HHAT: variants seen among roughly 807,000 people sequenced by gnomAD.
HHAT encodes hedgehog acyltransferase.
HHAT carries 47 observed loss-of-function variants against 70.8 expected under a neutral mutation model. The ratio of observed to expected loss-of-function variants is 0.66; its 90% confidence interval spans 0.53 to 0.85. The LOEUF (loss-of-function observed/expected upper bound fraction) is 0.85. Ranked by LOEUF, HHAT falls within the 40% of genes least tolerant of loss-of-function variation. The probability of loss-of-function intolerance (pLI) is 0.00; values close to 1 mark genes in which losing one functional copy is unlikely to be tolerated. For synonymous variants in HHAT, 228 were observed against 247.6 expected, an observed-to-expected ratio of 0.92 and a Z score of 0.74; for missense variants, 609 against 604.8, an observed-to-expected ratio of 1.01 and a Z score of -0.07.
intron 7 of HHAT, among the ~76,000 whole-genome samples, chr1:210,452,916 A>G (rs2093783701): frequency 1.3e-5 from 2 of 152,256 alleles, no homozygotes; most frequent in African/African-American, 4.8e-5. Context: ...TGTGGAATGT[A>G]CATTAGAGTC....
At chr1:210,481,205 A>G (rs996541878) in intron 8 of HHAT, among the ~76,000 whole-genome samples, 2 of 152,284 alleles carry the variant, frequency 1.3e-5, no homozygotes, top group Admixed American at 1.3e-4. Flanking sequence ...ATTAATGACC[A>G]CTGGGCCATT....
intron 9 of HHAT, among the ~76,000 whole-genome samples, chr1:210,535,770 ACT>A (rs942336080): frequency 6.6e-6 from 1 of 152,014 alleles, no homozygotes; most frequent in African/African-American, 2.4e-5. Flanking sequence ...GGTGGGGAAG[ACT>A]CTGTGAATAG....
At chr1:210,475,061 A>G (rs138254403) in intron 8 of HHAT, among the ~76,000 whole-genome samples, 24 of 151,518 alleles carry the variant, frequency 1.6e-4, no homozygotes, top group African/African-American at 5.3e-4. Flanking sequence ...AGGTCTCGCT[A>G]TGCTGCCCAC....
intron 6 of HHAT, 65 bp downstream of exon 6, chr1:210,404,744 C>T: frequency 7.6e-7 from 1 of 1,311,716 alleles, no homozygotes; most frequent in East Asian, 2.3e-5. Flanking sequence ...TTGCTCTGGT[C>T]TTCTCTGACT....
intron 11 of HHAT, among the ~76,000 whole-genome samples, chr1:210,652,838 G>A (rs1344839301): frequency 6.6e-6 from 1 of 152,162 alleles, no homozygotes; most frequent in Non-Finnish European, 1.5e-5. Flanking sequence ...CACCAGGTTG[G>A]CATAGATCAA....
intron 3 of HHAT, chr1:210,374,109 C>T (rs531858946): frequency 7.4e-5 from 11 of 148,934 alleles, no homozygotes; most frequent in African/African-American, 9.7e-5. Flanking sequence ...CCTAAAGTTG[C>T]ACCATAATGT....
At chr1:210,417,315 C>T (rs1028591117) in intron 6 of HHAT, among the ~76,000 whole-genome samples, 5 of 152,182 alleles carry the variant, frequency 3.3e-5, no homozygotes, top group African/African-American at 1.2e-4. Context: ...TCACTGCAAC[C>T]TCCGCCTCCC....
chr1:210,610,522 A>G (rs906516990), intron 10 of HHAT, among the ~76,000 whole-genome samples: 3 of 151,794 alleles, frequency 2.0e-5, no homozygotes, highest in Non-Finnish European at 4.4e-5. Flanking sequence ...TAGTTTAATT[A>G]GATGCCATTT....
At chr1:210,540,667 A>G (rs1376071696) in intron 9 of HHAT, among the ~76,000 whole-genome samples, 5 of 150,980 alleles carry the variant, frequency 3.3e-5, no homozygotes, top group African/African-American at 9.7e-5. Flanking sequence ...AGGTCTTGCT[A>G]CATTGTCCAG....
rs2088502366 is a variant in HHAT at position 210,362,865 on chromosome 1, G to A, written c.105G>A (p.Glu35=). The A allele has an allele frequency of 1.2e-6, 2 of 1,613,804 alleles. No homozygotes were observed. Among genetic ancestry groups the A allele is most frequent in the Non-Finnish European group, 8.5e-7 (1 of 1,179,796 alleles). ...VYKVSREHEE[E]LDQEFELETD... is the part of the protein sequence containing the mutation. ...TTTTTTGGTCAGAACACGAAGAGGA[G>A]CTGGACCAGGAATTTGAGCTGGAGA... is the stretch of plus-strand genomic sequence containing the variant. The change falls in exon 3 of 12, where the codon GAG becomes GAA. Residue 35 remains glutamate (E), a synonymous_variant. Transcript: ENST00000261458.
intron 3 of HHAT, among the ~76,000 whole-genome samples, chr1:210,386,239 T>TCTTTTTC (rs1289172529): frequency 3.0e-5 from 3 of 100,810 alleles, no homozygotes; most frequent in East Asian, 2.6e-4. Context: ...TCTTTTTTTT[T>TCTTTTTC]TTTTTTTTTT....
At chr1:210,534,697 T>C (rs991945303) in intron 9 of HHAT, among the ~76,000 whole-genome samples, 9 of 152,230 alleles carry the variant, frequency 5.9e-5, no homozygotes, top group Non-Finnish European at 1.2e-4. Flanking sequence ...CAGTGTTGAC[T>C]GCATTTGGAC....
chr1:210,605,920 G>C (rs893327187), intron 10 of HHAT, among the ~76,000 whole-genome samples: 1 of 151,514 alleles, frequency 6.6e-6, no homozygotes. Flanking sequence ...GCAGTGGCTT[G>C]ATCTTGGCTC....
At chr1:210,336,686 A>G (rs1307265026) in intron 1 of HHAT, among the ~76,000 whole-genome samples, 3 of 152,134 alleles carry the variant, frequency 2.0e-5, no homozygotes, top group Non-Finnish European at 4.4e-5. Flanking sequence ...CCTGAAGCTA[A>G]GGCAGGAGGA....
intron 9 of HHAT, among the ~76,000 whole-genome samples, chr1:210,560,225 T>C (rs569857920): frequency 6.6e-6 from 1 of 152,330 alleles, no homozygotes; most frequent in East Asian, 1.9e-4. Flanking sequence ...CCTTTATTTC[T>C]TTGCTTATTA....
chr1:210,612,018 T>C (rs1666684002), intron 10 of HHAT, among the ~76,000 whole-genome samples: 1 of 151,994 alleles, frequency 6.6e-6, no homozygotes, highest in Non-Finnish European at 1.5e-5. Flanking sequence ...ACGCTGGCCT[T>C]CATGATAGCT....
intron 1 of HHAT, among the ~76,000 whole-genome samples, chr1:210,331,048 G>A (rs573242052): frequency 2.0e-5 from 3 of 151,990 alleles, no homozygotes; most frequent in East Asian, 1.9e-4. Context: ...TCCTGAGCTC[G>A]AACTCCTGAG....
At chr1:210,510,433 A>G (rs1005061171) in intron 8 of HHAT, among the ~76,000 whole-genome samples, 1 of 152,172 alleles carries the variant, frequency 6.6e-6, no homozygotes, top group African/African-American at 2.4e-5. Flanking sequence ...GTGAACTTCC[A>G]TCACTTTCCA....
chr1:210,583,856 C>T (rs1262631648), intron 9 of HHAT, among the ~76,000 whole-genome samples: 3 of 151,988 alleles, frequency 2.0e-5, no homozygotes, highest in African/African-American at 4.8e-5. Context: ...AAAACATGTC[C>T]TCCTTGGAGT....
Sources: gnomAD v4.1 joint callset for allele counts (sites outside exome capture counted in the v4.1 genomes callset) on GRCh38, gnomAD v4.1.1 for gene constraint, MANE v1.5 for transcripts, NCBI Gene and HGNC (gene_info 2026-07-23, HGNC 2026-07-21) for gene names.